Variants in NOP58 observed in about 807,000 individuals in gnomAD.
The protein encoded by NOP58 is nucleolar protein 58.
Under a neutral mutation model 71.2 loss-of-function variants are expected in NOP58, and 44 were observed. That is an observed-to-expected ratio of 0.62 (90% confidence interval 0.49 to 0.79). NOP58 has a LOEUF of 0.79. NOP58 is among the 30% of genes least tolerant of loss of function. The pLI, the probability that NOP58 is intolerant of heterozygous loss-of-function variation, is 0.00. For missense variants in NOP58, 538 were observed against 620.2 expected (o/e 0.87, Z 1.41); for synonymous variants, 228 against 200.3 (o/e 1.14, Z -1.17).
chr2:202,289,670 AT>A (rs939498826), intron 6 of NOP58, among the ~76,000 whole-genome samples: 1 of 152,218 alleles, frequency 6.6e-6, no homozygotes, highest in African/African-American at 2.4e-5. Flanking sequence ...TTTCAACATG[AT>A]AAACCTTGAA....
intron 5 of NOP58, 200 bp downstream of exon 5, chr2:202,284,681 C>A: frequency 1.9e-6 from 1 of 515,412 alleles, no homozygotes; most frequent in Non-Finnish European, 3.3e-6. Flanking sequence ...GGATTTGAAC[C>A]CAGGCAGTCT....
chr2:202,292,958 G>A, intron 9 of NOP58, 55 bp downstream of exon 9: 1 of 1,599,962 alleles, frequency 6.3e-7, no homozygotes, highest in Non-Finnish European at 8.6e-7. Flanking sequence ...TTTCTGGTTA[G>A]GATTTTGTTT....
intron 7 of NOP58, 21 bp downstream of exon 7, chr2:202,290,478 T>C (rs1408710343): frequency 1.3e-6 from 2 of 1,588,258 alleles, no homozygotes; most frequent in East Asian, 4.5e-5. Context: ...TGTTCATCCT[T>C]TAAGGCATTG....
In NOP58 at chr2:202,297,435, T is replaced by G. The variant is rs759805103; in HGVS notation, c.1128T>G (p.Gly376=). The G allele has an allele frequency of 6.2e-7, 1 of 1,614,000 alleles. No homozygotes were observed. Among genetic ancestry groups the G allele is most frequent in the Admixed American group, 1.7e-5 (1 of 60,018 alleles). Residue 376 remains glycine (G), a synonymous_variant, in exon 11 of 15, where the codon GGT becomes GGG. Coordinates refer to ENST00000264279, the MANE Select transcript of NOP58 (RefSeq NM_015934.5). ...TVLAIRYDAF[G]EDSSSAMGVE... ...TGGCTATCCGTTATGATGCTTTTGG[T>G]GAGGATTCAAGTTCTGCAATGGGAG...
intron 9 of NOP58, among the ~76,000 whole-genome samples, chr2:202,294,448 C>T (rs1340798446): frequency 1.3e-5 from 2 of 151,594 alleles, no homozygotes; most frequent in African/African-American, 2.4e-5. Flanking sequence ...ATATTCTATA[C>T]AGCATATCCA....
At chr2:202,299,784 T>G (rs1689059470) in intron 12 of NOP58, 2 of 152,546 alleles carry the variant, frequency 1.3e-5, no homozygotes, top group Non-Finnish European at 2.9e-5. Flanking sequence ...CCTTTCTTGT[T>G]CTTGTGATCT....
chr2:202,267,295 G>T (rs1688433942), intron 1 of NOP58, among the ~76,000 whole-genome samples: 3 of 152,142 alleles, frequency 2.0e-5, no homozygotes, highest in South Asian at 4.1e-4. Flanking sequence ...ACCATTTGTG[G>T]TGTGGATGCA....
chr2:202,295,648 T>C (rs1440785898), intron 9 of NOP58, 26 bp from the exon 10 acceptor site: 4 of 1,531,834 alleles, frequency 2.6e-6, no homozygotes, highest in Non-Finnish European at 2.6e-6. Context: ...TGGAGGTGCA[T>C]TCTTTGTAAC....
chr2:202,287,574 C>G (rs1330940806), intron 5 of NOP58, 86 bp from the exon 6 acceptor site: 8 of 1,078,116 alleles, frequency 7.4e-6, no homozygotes, highest in Admixed American at 2.0e-5. Flanking sequence ...TGAGTAAAAA[C>G]AAAAACAAAA....
chr2:202,284,707 A>C (rs1688761945), intron 5 of NOP58: 1 of 451,332 alleles, frequency 2.2e-6, no homozygotes, highest in Non-Finnish European at 3.9e-6. Context: ...TATTGTCTGG[A>C]TTCTTAAAAC....
intron 1 of NOP58, among the ~76,000 whole-genome samples, chr2:202,274,526 G>T (rs1309943608): frequency 6.6e-6 from 1 of 151,316 alleles, no homozygotes; most frequent in African/African-American, 2.4e-5. Flanking sequence ...ACAGATGTGA[G>T]CCACCATGCT....
At chr2:202,294,154 A>G (rs535301064) in intron 9 of NOP58, among the ~76,000 whole-genome samples, 112 of 151,938 alleles carry the variant, frequency 7.4e-4, no homozygotes, top group African/African-American at 2.7e-3. Flanking sequence ...CCCCATCTCT[A>G]TTAACAACAC....
chr2:202,299,246 CAG>C (rs1318412738), intron 12 of NOP58, among the ~76,000 whole-genome samples: 7 of 152,178 alleles, frequency 4.6e-5, no homozygotes, highest in Non-Finnish European at 8.8e-5. Context: ...GCGTGAGCCA[CAG>C]CACCCGGCCT....
chr2:202,270,559 G>A (rs1206229824), intron 1 of NOP58, among the ~76,000 whole-genome samples: 2 of 152,076 alleles, frequency 1.3e-5, no homozygotes, highest in East Asian at 1.9e-4. Context: ...TGAAGCAGGA[G>A]GATTGTTTGA....
At chr2:202,291,686 A>G (rs1414787745) in intron 8 of NOP58, among the ~76,000 whole-genome samples, 1 of 151,550 alleles carries the variant, frequency 6.6e-6, no homozygotes, top group Non-Finnish European at 1.5e-5. Flanking sequence ...GTACACCTGT[A>G]ATCCCAGCTA....
rs1688403466 is a variant in NOP58, at chr2:202,265,845, C to T, written c.-97C>T. 32 of 1,411,202 alleles carry T rather than the reference C, an allele frequency of 2.3e-5. No homozygotes were observed. The South Asian group carries it at 2.8e-4, about 12-fold the overall frequency. 87.4% of individuals were successfully genotyped at this position (1,411,202 alleles called of 1,614,324 possible). On this transcript the variant is annotated 5_prime_UTR_variant, in exon 1 of 15. Coordinates refer to ENST00000264279, the MANE Select transcript of NOP58 (RefSeq NM_015934.5). Reference sequence around the variant, plus strand: ...GCGAGCGCATTTGTGCTTTGCCCGCCGCGGCCTAGGAGGCCTTTTGAGGCC... The same window carrying T: ...GCGAGCGCATTTGTGCTTTGCCCGCTGCGGCCTAGGAGGCCTTTTGAGGCC...
rs538976083 is a variant in NOP58, at chr2:202,277,959, A to G, written c.132A>G (p.Leu44=). 5.3e-6 allele frequency: 8 copies of G among 1,521,264 alleles called. No homozygotes were observed. The East Asian group carries it at 1.6e-4, about 30-fold the overall frequency. 94.2% of individuals were successfully genotyped at this position (1,521,264 alleles called of 1,614,324 possible). ...TTTTTTTTAATTCTAGAGTAAAGCT[A>G]AAACATTTTGAGAAATTTCAGGATA... is the stretch of plus-strand genomic sequence containing the variant. The part of the protein sequence containing the change: ...TPEKANKIVK[L]KHFEKFQDTA... The change falls in exon 3 of 15, where the codon CTA becomes CTG. Residue 44 remains leucine (L), a synonymous_variant. Coordinates refer to ENST00000264279, the MANE Select transcript of NOP58 (RefSeq NM_015934.5).
In NOP58 at chr2:202,287,645, CCCCTTTCTT is replaced by C; in HGVS notation, c.435-11_435-3del. On this transcript the variant is annotated splice_polypyrimidine_tract_variant and splice_region_variant and intron_variant, in intron 5 of 14. Coordinates refer to ENST00000264279, the MANE Select transcript of NOP58 (RefSeq NM_015934.5). ...AGATGCTATCTTGCTAATTTATTTT[CCCCTTTCTT>C]CCCAGCCTGTCTCGATATAGATTGA... 6.2e-7 allele frequency: 1 copy of C among 1,600,702 alleles called. No individual in the cohort carries two copies.
intron 1 of NOP58, among the ~76,000 whole-genome samples, chr2:202,274,882 T>C (rs148700573): frequency 4.1e-4 from 62 of 152,316 alleles, no homozygotes; most frequent in African/African-American, 1.5e-3. Context: ...GAATAGCCAC[T>C]GTACTACAGC....
Sources: allele counts gnomAD v4.1 joint callset (sites outside exome capture counted in the v4.1 genomes callset), GRCh38; gene constraint gnomAD v4.1.1; transcripts MANE v1.5; gene names NCBI Gene and HGNC (gene_info 2026-07-23, HGNC 2026-07-21).